The following MEMO1 variants were observed in gnomAD, a reference collection of about 807,000 sequenced individuals.
MEMO1 encodes mediator of cell motility 1, also known as protein MEMO1.
Under a neutral mutation model 45.2 loss-of-function variants are expected in MEMO1, and 6 were observed. The ratio of observed to expected loss-of-function variants is 0.13; its 90% CI spans 0.07 to 0.26. MEMO1 has a LOEUF of 0.26. MEMO1 is among the 10% of genes least tolerant of loss of function. MEMO1 has a pLI of 1.00. For missense variants in MEMO1, 184 were observed against 370.5 expected (o/e 0.50, Z 4.13); for synonymous variants, 78 against 124.3 (o/e 0.63, Z 2.48).
intron 6 of MEMO1, among the ~76,000 whole-genome samples, chr2:31,898,181 A>G (rs990668602): frequency 1.3e-5 from 2 of 150,458 alleles, no homozygotes; most frequent in African/African-American, 4.8e-5. Flanking sequence ...GGATTCAATG[A>G]TTTTTTTGAA....
intron 3 of MEMO1, among the ~76,000 whole-genome samples, chr2:31,935,019 T>C (rs1389133141): frequency 6.6e-6 from 1 of 152,220 alleles, no homozygotes; most frequent in Non-Finnish European, 1.5e-5. Context: ...ATTTACTGAC[T>C]ACTTCCTATG....
At chr2:31,969,579 G>GTA (rs1669083236) in intron 2 of MEMO1, among the ~76,000 whole-genome samples, 1 of 100,766 alleles carries the variant, frequency 9.9e-6, no homozygotes, top group Non-Finnish European at 2.0e-5. Flanking sequence ...CTGGGGGTGT[G>GTA]TGTGTGGGTG....
intron 3 of MEMO1, among the ~76,000 whole-genome samples, chr2:31,939,449 A>G (rs900319242): frequency 3.3e-5 from 5 of 152,186 alleles, no homozygotes; most frequent in Non-Finnish European, 4.4e-5. Context: ...GGTCACTCCC[A>G]ATTATTCCAA....
chr2:31,987,552 C>T (rs1489188545), intron 2 of MEMO1, among the ~76,000 whole-genome samples: 1 of 152,074 alleles, frequency 6.6e-6, no homozygotes, highest in Non-Finnish European at 1.5e-5. Context: ...ATTTGGAAAC[C>T]TGGTGTCAGA....
At position 31,961,403 on chromosome 2, in the gene MEMO1, A is replaced by T. The variant is rs138387134; in HGVS notation, c.62-18020T>A. 4.5e-3 allele frequency among the ~76,000 whole-genome samples: 689 copies of T among 152,164 alleles called. 5 individuals are homozygous for T. Among genetic ancestry groups the T allele is most frequent in the African/African-American group, 0.016 (655 of 41,518 alleles). On this transcript the variant is annotated intron_variant, in intron 2 of 9. Transcript: ENST00000404530. ...CCAGAAAAAACTGCAATCTGGGAGG[A>T]CATGAAAAAAACAGAATTTACAGTG...
intron 6 of MEMO1, among the ~76,000 whole-genome samples, chr2:31,903,039 T>TAA (rs1679100276): frequency 6.6e-6 from 1 of 152,130 alleles, no homozygotes; most frequent in Admixed American, 6.5e-5. Flanking sequence ...ATTAAAATCT[T>TAA]AAAATTTTAA....
At chr2:31,968,271 G>A (rs1297038296) in intron 2 of MEMO1, among the ~76,000 whole-genome samples, 2 of 152,210 alleles carry the variant, frequency 1.3e-5, no homozygotes, top group South Asian at 4.1e-4. Context: ...CTTTGTAGGG[G>A]AAATACGGGA....
intron 6 of MEMO1, among the ~76,000 whole-genome samples, chr2:31,916,584 C>T (rs1216814996): frequency 6.6e-6 from 1 of 152,150 alleles, no homozygotes; most frequent in Non-Finnish European, 1.5e-5. Context: ...ATGCAAACAT[C>T]TCAGTGAATA....
At chr2:31,902,715 C>T (rs897154617) in intron 6 of MEMO1, among the ~76,000 whole-genome samples, 1 of 152,002 alleles carries the variant, frequency 6.6e-6, no homozygotes, top group Non-Finnish European at 1.5e-5. Context: ...AGCTGAAATC[C>T]AAGAACCTCC....
intron 8 of MEMO1, among the ~76,000 whole-genome samples, chr2:31,879,238 T>C (rs1675003751): frequency 6.6e-6 from 1 of 152,186 alleles, no homozygotes; most frequent in Non-Finnish European, 1.5e-5. Flanking sequence ...TTCACCTCTG[T>C]GCAGCATTTG....
intron 2 of MEMO1, among the ~76,000 whole-genome samples, chr2:31,961,574 G>A (rs1488559427): frequency 6.6e-6 from 1 of 151,626 alleles, no homozygotes; most frequent in East Asian, 1.9e-4. Context: ...ACCAGCCTGG[G>A]CAACACAGTG....
intron 2 of MEMO1, chr2:31,963,358 G>A: frequency 1.1e-5 from 13 of 1,227,014 alleles, no homozygotes; most frequent in Non-Finnish European, 1.3e-5. Flanking sequence ...ATACCCTACT[G>A]GTTCTGTTTC....
chr2:31,877,497 T>A (rs952231272), intron 8 of MEMO1, among the ~76,000 whole-genome samples: 8 of 152,212 alleles, frequency 5.3e-5, no homozygotes, highest in African/African-American at 1.7e-4. Context: ...TAATTCCACT[T>A]CATATACAAA....
chr2:31,921,255 C>G (rs1007000325), intron 4 of MEMO1, among the ~76,000 whole-genome samples: 1 of 152,136 alleles, frequency 6.6e-6, no homozygotes, highest in Admixed American at 6.6e-5. Context: ...AGGGGCCCAA[C>G]CCTGACAGAA....
At chr2:31,901,963 G>A (rs1277787816) in intron 6 of MEMO1, among the ~76,000 whole-genome samples, 1 of 149,358 alleles carries the variant, frequency 6.7e-6, no homozygotes, top group African/African-American at 2.5e-5. Context: ...CAACTCTGTA[G>A]ATTTACTAAA....
intron 4 of MEMO1, among the ~76,000 whole-genome samples, chr2:31,928,814 C>T (rs536916589): frequency 6.6e-6 from 1 of 152,170 alleles, no homozygotes; most frequent in African/African-American, 2.4e-5. Context: ...CCCAATTTTA[C>T]ACAATGTTAT....
chr2:31,948,165 T>A (rs910089086), intron 2 of MEMO1, among the ~76,000 whole-genome samples: 3 of 152,232 alleles, frequency 2.0e-5, no homozygotes, highest in African/African-American at 4.8e-5. Flanking sequence ...CAAATCCATA[T>A]GTATACAAAG....
At chr2:31,989,321 T>A (rs562422511) in intron 2 of MEMO1, among the ~76,000 whole-genome samples, 6 of 152,198 alleles carry the variant, frequency 3.9e-5, no homozygotes, top group African/African-American at 1.4e-4. Flanking sequence ...TCGAAAAAAT[T>A]CGAATTTTGC....
intron 2 of MEMO1, among the ~76,000 whole-genome samples, chr2:32,005,335 A>C (rs979345650): frequency 4.4e-4 from 67 of 151,586 alleles, no homozygotes; most frequent in African/African-American, 1.5e-3. Flanking sequence ...AAAAAAAAAA[A>C]AGAAGCTCAA....
Sources: gnomAD v4.1 joint callset for allele counts (sites outside exome capture counted in the v4.1 genomes callset) on GRCh38, gnomAD v4.1.1 for gene constraint, MANE v1.5 for transcripts, NCBI Gene and HGNC (gene_info 2026-07-23, HGNC 2026-07-21) for gene names.